The following MAST4 variants were observed in gnomAD, a reference collection of about 807,000 sequenced individuals.
The protein encoded by MAST4 is microtubule associated serine/threonine kinase family member 4, also known as microtubule-associated serine/threonine-protein kinase 4.
A neutral mutation model predicts 162.7 loss-of-function variants in MAST4; 89 were observed. That is an observed-to-expected ratio of 0.55 (90% confidence interval 0.46 to 0.65). MAST4 has a LOEUF of 0.65. Ranked by LOEUF, MAST4 falls within the 30% of genes least tolerant of loss-of-function variation. The pLI is 0.00. For synonymous variants in MAST4, 1,479 were observed against 1,361.1 expected (o/e 1.09, Z -1.91); for missense variants, 3,153 against 3,374.0 (o/e 0.93, Z 1.62).
chr5:66,605,155 G>T (rs1319073041), intron 1 of MAST4, among the ~76,000 whole-genome samples: 2 of 152,100 alleles, frequency 1.3e-5, no homozygotes, highest in Non-Finnish European at 2.9e-5. Flanking sequence ...CATACTTTTA[G>T]CTGGAGTGGC....
At chr5:67,158,217 G>C (rs1772770848) in intron 26 of MAST4, among the ~76,000 whole-genome samples, 1 of 152,152 alleles carries the variant, frequency 6.6e-6, no homozygotes, top group African/African-American at 2.4e-5. Flanking sequence ...TCTCATTAAA[G>C]AACAACTAGA....
chr5:66,604,445 G>A, intron 1 of MAST4, among the ~76,000 whole-genome samples: 1 of 152,194 alleles, frequency 6.6e-6, no homozygotes, highest in South Asian at 2.1e-4. Flanking sequence ...AGGTGGGAGG[G>A]AAGATGGAAT....
chr5:66,963,561 G>C, intron 4 of MAST4: 1 of 565,026 alleles, frequency 1.8e-6, no homozygotes, highest in Non-Finnish European at 3.2e-6. Context: ...AGCTGAAAAG[G>C]GCAAGTGATT....
intron 4 of MAST4, among the ~76,000 whole-genome samples, chr5:67,035,616 A>C (rs152634): frequency 4.6e-5 from 7 of 151,850 alleles, no homozygotes; most frequent in Non-Finnish European, 1.5e-5. Context: ...CCTGTTTTAA[A>C]CTGGGATGTG....
At chr5:66,997,417 G>GT (rs200331098) in intron 4 of MAST4, among the ~76,000 whole-genome samples, 5 of 143,344 alleles carry the variant, frequency 3.5e-5, no homozygotes, top group Non-Finnish European at 7.6e-5. Flanking sequence ...TAATTAATGT[G>GT]TTTTTTTTCT....
At chr5:66,609,359 A>G (rs1051270508) in intron 1 of MAST4, among the ~76,000 whole-genome samples, 6 of 150,170 alleles carry the variant, frequency 4.0e-5, no homozygotes, top group Admixed American at 1.3e-4. Flanking sequence ...TTAAATTGAA[A>G]TCTATCAAAA....
In MAST4 at chr5:67,110,182, C is replaced by T. The variant is rs758695119; in HGVS notation, c.1441C>T (p.Arg481Trp). 1.9e-5 allele frequency: 30 copies of T among 1,613,002 alleles called. No individual in the cohort carries two copies. Among genetic ancestry groups the T allele is most frequent in the South Asian group, 5.5e-5 (5 of 91,026 alleles). ...CCTAATTGTTATTGCCCGCCCTGCT[C>T]GGTTATTAGAGTGCCTGGTAAGTTG... ...KILIVIARPA[R>W]LLECLEFDPE... Residue 481 changes from arginine (R) to tryptophan (W), a missense_variant, in exon 11 of 29, where the codon CGG becomes TGG. This residue lies in a region of MAST4 where 360 missense variants were observed against 450.0 expected (regional missense o/e 0.80). Coordinates refer to ENST00000403625, the MANE Select transcript of MAST4 (RefSeq NM_001164664.2).
chr5:66,775,023 GTGTGTGTGTGTGTA>G (rs1448007074), intron 2 of MAST4, among the ~76,000 whole-genome samples: 30 of 148,276 alleles, frequency 2.0e-4, no homozygotes, highest in East Asian at 1.0e-3. Flanking sequence ...GTGTGTGTGT[GTGTGTGTGTGTGTA>G]TGTGTGTGTT....
intron 1 of MAST4, among the ~76,000 whole-genome samples, chr5:66,734,494 C>T (rs531706876): frequency 2.7e-4 from 41 of 152,272 alleles, no homozygotes; most frequent in South Asian, 4.2e-4. Flanking sequence ...ATTTACCTTC[C>T]TTTATAAATA....
chr5:66,762,524 G>T (rs973263257), intron 2 of MAST4, among the ~76,000 whole-genome samples: 3 of 152,156 alleles, frequency 2.0e-5, no homozygotes, highest in Non-Finnish European at 4.4e-5. Flanking sequence ...GCTACTTGGT[G>T]TTAGGCACTG....
At chr5:66,778,979 A>G (rs774913226) in intron 2 of MAST4, among the ~76,000 whole-genome samples, 32 of 152,222 alleles carry the variant, frequency 2.1e-4, no homozygotes, top group Admixed American at 4.6e-4. Context: ...CCCACGTGAA[A>G]GAAAAACTTC....
intron 5 of MAST4, among the ~76,000 whole-genome samples, chr5:67,083,370 G>A (rs922162596): frequency 3.9e-5 from 6 of 151,910 alleles, no homozygotes; most frequent in South Asian, 4.1e-4. Flanking sequence ...ATTAAATTTA[G>A]CATTTATTTT....
chr5:66,714,479 C>T (rs765657739), intron 1 of MAST4, among the ~76,000 whole-genome samples: 3 of 152,226 alleles, frequency 2.0e-5, no homozygotes, highest in African/African-American at 4.8e-5. Flanking sequence ...TGATGTGCCA[C>T]TGTCTGGACA....
chr5:66,986,349 TG>T, intron 4 of MAST4: 1 of 822,186 alleles, frequency 1.2e-6, no homozygotes, highest in Non-Finnish European at 1.9e-6. Flanking sequence ...TGGATCCATA[TG>T]TTGTTACACA....
intron 4 of MAST4, among the ~76,000 whole-genome samples, chr5:66,937,564 C>T (rs1314263355): frequency 6.6e-6 from 1 of 152,150 alleles, no homozygotes; most frequent in Non-Finnish European, 1.5e-5. Context: ...TCTGTATTTT[C>T]TTTAGCCATT....
chr5:66,971,906 T>C (rs1165014737), intron 4 of MAST4, among the ~76,000 whole-genome samples: 1 of 146,928 alleles, frequency 6.8e-6, no homozygotes, highest in African/African-American at 2.7e-5. Context: ...CCTGTTGATA[T>C]GAGAATTAAG....
intron 4 of MAST4, among the ~76,000 whole-genome samples, chr5:66,946,690 A>G (rs1744066714): frequency 6.6e-6 from 1 of 152,192 alleles, no homozygotes; most frequent in South Asian, 2.1e-4. Flanking sequence ...GGAAATTACC[A>G]TTGCAGCTTC....
At chr5:67,078,940 ATATATATATATG>A (rs1218130347) in intron 5 of MAST4, among the ~76,000 whole-genome samples, 10 of 95,322 alleles carry the variant, frequency 1.0e-4, no homozygotes, top group African/African-American at 4.0e-4. Context: ...ATATATATAT[ATATATATATATG>A]GCAATCTGAT....
chr5:67,095,458 C>T (rs901189860), intron 6 of MAST4, 139 bp from the exon 7 acceptor site: 13 of 572,320 alleles, frequency 2.3e-5, no homozygotes, highest in Non-Finnish European at 3.7e-5. Context: ...GTTTGTTTAC[C>T]CTGACCCTTG....
Sources: gnomAD v4.1 joint callset for allele counts (sites outside exome capture counted in the v4.1 genomes callset) on GRCh38, gnomAD v4.1.1 for gene constraint, gnomAD v4.1.1 regional missense constraint, MANE v1.5 for transcripts, NCBI Gene and HGNC (gene_info 2026-07-23, HGNC 2026-07-21) for gene names.